Variants in CNTN5 observed in about 807,000 individuals in gnomAD.
The protein encoded by CNTN5 is contactin-5.
A neutral mutation model predicts 129.1 loss-of-function variants in CNTN5; 77 were observed. That is an observed-to-expected ratio of 0.60 (90% CI 0.50 to 0.72). The LOEUF is 0.72. Ranked by LOEUF, CNTN5 falls within the 30% of genes least tolerant of loss-of-function variation. CNTN5 has a pLI of 0.00. For missense variants in CNTN5, 1,478 were observed against 1,328.8 expected (o/e 1.11, Z -1.75); for synonymous variants, 509 against 465.6 (o/e 1.09, Z -1.20).
At chr11:99,968,616 T>A (rs1951159581) in intron 8 of CNTN5, among the ~76,000 whole-genome samples, 1 of 151,622 alleles carries the variant, frequency 6.6e-6, no homozygotes, top group Non-Finnish European at 1.5e-5. Flanking sequence ...ATTAGTCTGT[T>A]TATCATAAAG....
chr11:99,814,024 T>C (rs1326398928), intron 3 of CNTN5, among the ~76,000 whole-genome samples: 1 of 152,132 alleles, frequency 6.6e-6, no homozygotes, highest in Non-Finnish European at 1.5e-5. Context: ...GATAAGGTCA[T>C]GATAATTTTA....
chr11:100,071,861 G>GAA (rs575164630), intron 12 of CNTN5, 27 bp downstream of exon 12: 54 of 1,422,120 alleles, frequency 3.8e-5, no homozygotes, highest in African/African-American at 1.5e-4. Context: ...TGAATAAATT[G>GAA]AAAAAAAAAA....
At chr11:99,254,673 CTCAG>C (rs1297776711) in intron 1 of CNTN5, among the ~76,000 whole-genome samples, 2 of 151,974 alleles carry the variant, frequency 1.3e-5, no homozygotes, top group South Asian at 4.2e-4. Flanking sequence ...ACAAAAATAT[CTCAG>C]TCAGAGTATG....
At chr11:99,306,075 T>C (rs1864862999) in intron 1 of CNTN5, among the ~76,000 whole-genome samples, 1 of 152,194 alleles carries the variant, frequency 6.6e-6, no homozygotes, top group African/African-American at 2.4e-5. Flanking sequence ...TACAATTTCT[T>C]GAAATGTTGA....
At chr11:99,978,250 T>C (rs1425204002) in intron 8 of CNTN5, among the ~76,000 whole-genome samples, 5 of 152,342 alleles carry the variant, frequency 3.3e-5, no homozygotes, top group Non-Finnish European at 7.3e-5. Context: ...TTAAGCTGTG[T>C]CATAATGAAA....
chr11:99,480,600 A>G (rs1019416827), intron 2 of CNTN5, among the ~76,000 whole-genome samples: 1 of 152,208 alleles, frequency 6.6e-6, no homozygotes, highest in Non-Finnish European at 1.5e-5. Context: ...GAGATTCACT[A>G]TATGTTTATT....
chr11:99,850,897 C>G (rs182152104), intron 6 of CNTN5, among the ~76,000 whole-genome samples: 42 of 152,296 alleles, frequency 2.8e-4, no homozygotes, highest in African/African-American at 9.6e-4. Flanking sequence ...TTTATTGCAA[C>G]CCCTACAGCA....
intron 21 of CNTN5, among the ~76,000 whole-genome samples, chr11:100,335,555 G>A (rs1346770954): frequency 2.0e-5 from 3 of 152,144 alleles, no homozygotes; most frequent in Admixed American, 1.3e-4. Context: ...ATCACTTGAG[G>A]TCAGGAGTTT....
chr11:99,274,608 C>G (rs1204068179), intron 1 of CNTN5, among the ~76,000 whole-genome samples: 1 of 151,304 alleles, frequency 6.6e-6, no homozygotes, highest in Non-Finnish European at 1.5e-5. Context: ...AGGTAGCAAT[C>G]CTCATCTTGA....
In CNTN5 at chr11:99,319,798, C is replaced by A. The variant is rs545255923; in HGVS notation, c.-209-5548C>A. Among the ~76,000 whole-genome samples, 5 of 152,098 alleles carry A rather than the reference C, an allele frequency of 3.3e-5. No homozygotes were observed. The South Asian group carries it at 1.0e-3, about 32-fold the overall frequency. On this transcript the variant is annotated intron_variant, in intron 1 of 24. Transcript: ENST00000524871. ...TGAAGAAAACTTTGAAGTAGGCCGA[C>A]AGTGAAATGCAGGGAGACCAATTCA...
chr11:99,943,014 G>C (rs1357751714), intron 7 of CNTN5, among the ~76,000 whole-genome samples: 1 of 152,050 alleles, frequency 6.6e-6, no homozygotes. Context: ...AAACATACAT[G>C]TGCATGTGTC....
chr11:99,469,516 A>T (rs1945089113), intron 2 of CNTN5, among the ~76,000 whole-genome samples: 1 of 152,032 alleles, frequency 6.6e-6, no homozygotes, highest in Non-Finnish European at 1.5e-5. Context: ...TTACTGTATA[A>T]TATTGATCTA....
Position 100,334,530 on chromosome 11 carries a change from A to G in CNTN5, c.2731-5933A>G, listed in dbSNP as rs552236070. On this transcript the variant is annotated intron_variant, in intron 21 of 24. Coordinates refer to ENST00000524871, the MANE Select transcript of CNTN5 (RefSeq NM_014361.4). ...ATTGCAAAAATATGGAACGAGCCCA[A>G]ATGTTCATCAATCAATGAGTGGATA... 3.9e-4 allele frequency among the ~76,000 whole-genome samples: 59 copies of G among 152,290 alleles called. 2 individuals carry two copies. In the South Asian group the frequency reaches 7.5e-3, roughly 19 times the overall value.
At chr11:99,553,280 A>T (rs1948554954) in intron 2 of CNTN5, among the ~76,000 whole-genome samples, 1 of 152,132 alleles carries the variant, frequency 6.6e-6, no homozygotes, top group Admixed American at 6.6e-5. Flanking sequence ...AGTTTAATGT[A>T]AACTGGTACA....
chr11:100,079,829 C>A (rs566007259), intron 13 of CNTN5, among the ~76,000 whole-genome samples: 3 of 152,222 alleles, frequency 2.0e-5, no homozygotes, highest in African/African-American at 7.2e-5. Flanking sequence ...CTCTAGCAGA[C>A]CTTCATTCAG....
chr11:99,862,072 G>A (rs115961248), intron 6 of CNTN5, among the ~76,000 whole-genome samples: 1,835 of 152,058 alleles, frequency 0.012, 38 homozygotes, highest in African/African-American at 0.042. Context: ...AGCATAACTT[G>A]TATGCTATAG....
intron 3 of CNTN5, among the ~76,000 whole-genome samples, chr11:99,727,958 T>G (rs1336180999): frequency 1.3e-5 from 2 of 152,218 alleles, no homozygotes; most frequent in Non-Finnish European, 2.9e-5. Flanking sequence ...GTCTGAGGTT[T>G]CGAATGCATT....
At chr11:100,250,092 G>A (rs1393551117) in intron 16 of CNTN5, among the ~76,000 whole-genome samples, 1 of 151,806 alleles carries the variant, frequency 6.6e-6, no homozygotes, top group Non-Finnish European at 1.5e-5. Context: ...CTGTCCAGAG[G>A]CTATAACGCT....
chr11:99,950,707 C>T (rs1391549569), intron 7 of CNTN5, among the ~76,000 whole-genome samples: 3 of 152,146 alleles, frequency 2.0e-5, no homozygotes, highest in Non-Finnish European at 4.4e-5. Flanking sequence ...GCCAATAGCT[C>T]CCCTATTGAG....
Sources: allele counts gnomAD v4.1 joint callset (sites outside exome capture counted in the v4.1 genomes callset), GRCh38; gene constraint gnomAD v4.1.1; transcripts MANE v1.5; gene names NCBI Gene and HGNC (gene_info 2026-07-23, HGNC 2026-07-21).